EPC1: variants seen among roughly 807,000 people sequenced by gnomAD.
EPC1 encodes enhancer of polycomb homolog 1.
In EPC1, 12 loss-of-function variants were observed where a neutral mutation model predicts 98.4. The ratio of observed to expected loss-of-function variants is 0.12; its 90% CI spans 0.08 to 0.20. EPC1 has a LOEUF of 0.20. Ranked by LOEUF, EPC1 falls within the 10% of genes least tolerant of loss-of-function variation. The probability of loss-of-function intolerance (pLI) is 1.00; values close to 1 mark genes in which losing one functional copy is unlikely to be tolerated. For missense variants in EPC1, 729 were observed against 990.5 expected (o/e 0.74, Z 3.54); for synonymous variants, 357 against 363.9 (o/e 0.98, Z 0.21).
chr10:32,320,594 T>G (rs1425662344), intron 1 of EPC1, among the ~76,000 whole-genome samples: 1 of 152,208 alleles, frequency 6.6e-6, no homozygotes, highest in Non-Finnish European at 1.5e-5. Context: ...AATTAGTCAT[T>G]TGACCTTTTT....
chr10:32,314,261 T>C (rs568519623), intron 1 of EPC1, among the ~76,000 whole-genome samples: 2 of 152,310 alleles, frequency 1.3e-5, no homozygotes, highest in South Asian at 4.1e-4. Flanking sequence ...TAATTATAGA[T>C]AAGTTTTCTA....
chr10:32,323,974 C>T (rs1416430615), intron 1 of EPC1, among the ~76,000 whole-genome samples: 1 of 152,044 alleles, frequency 6.6e-6, no homozygotes, highest in African/African-American at 2.4e-5. Flanking sequence ...CTCGCTCTGT[C>T]GCCCAGGCTG....
intron 2 of EPC1, among the ~76,000 whole-genome samples, chr10:32,295,118 T>C (rs1344903037): frequency 7.2e-5 from 11 of 152,158 alleles, no homozygotes; most frequent in Admixed American, 3.9e-4. Flanking sequence ...AATCTGCTTG[T>C]TAAGCATGCC....
chr10:32,326,651 G>C (rs1467947985), intron 1 of EPC1, among the ~76,000 whole-genome samples: 1 of 152,096 alleles, frequency 6.6e-6, no homozygotes, highest in East Asian at 1.9e-4. Context: ...AGGCTAGAAG[G>C]ATGGCAATCC....
upstream of EPC1, among the ~76,000 whole-genome samples, chr10:32,349,347 A>ATTTCTT (rs1839042807): frequency 6.6e-6 from 1 of 152,216 alleles, no homozygotes. Context: ...AGTACAAAAA[A>ATTTCTT]ATTTCTTATT....
At chr10:32,298,814 A>G (rs1247676029) in intron 2 of EPC1, among the ~76,000 whole-genome samples, 3 of 152,216 alleles carry the variant, frequency 2.0e-5, no homozygotes, top group Non-Finnish European at 4.4e-5. Context: ...AGAAAGCAGT[A>G]CCAGCAGAAT....
intron 1 of EPC1, among the ~76,000 whole-genome samples, chr10:32,344,324 ATTCTT>A (rs1838600585): frequency 6.6e-6 from 1 of 152,142 alleles, no homozygotes; most frequent in South Asian, 2.1e-4. Flanking sequence ...TTCAGTGTCT[ATTCTT>A]GAGGTCTATG....
Position 32,284,893 on chromosome 10 carries a change from T to G in EPC1, c.1549A>C (p.Ile517Leu), listed in dbSNP as rs1564524222. The change falls in exon 10 of 14, where the codon ATA (isoleucine) becomes CTA (leucine). Residue 517 changes from isoleucine to leucine, a missense_variant. By Grantham distance (5) the Ile-to-Leu change is conservative (BLOSUM62 2). Around this residue, in one of 6 missense-constraint regions of EPC1, gnomAD observed 390 missense variants for 438.6 expected, o/e 0.89. Coordinates refer to ENST00000319778, the MANE Select transcript of EPC1 (RefSeq NM_001272004.3). ...CTACATGATTTGATATTGACTAGTATCTGACTGAGGTCTTTAGAGAAAGAT... is the reference window on the plus strand; with the variant it reads ...CTACATGATTTGATATTGACTAGTAGCTGACTGAGGTCTTTAGAGAAAGAT... ...DKSFSKDLSQ[I>L]LVNIKSCRWR... The G allele has an allele frequency of 6.2e-7, 1 of 1,614,212 alleles. No homozygotes were observed. Among genetic ancestry groups the G allele is most frequent in the East Asian group, 2.2e-5 (1 of 44,884 alleles).
intron 1 of EPC1, among the ~76,000 whole-genome samples, chr10:32,327,908 C>T (rs1037424245): frequency 8.5e-5 from 13 of 152,190 alleles, no homozygotes; most frequent in Non-Finnish European, 1.9e-4. Flanking sequence ...TATGTATGAT[C>T]ACTACGTGCC....
At chr10:32,335,473 G>A (rs1837899297) in intron 1 of EPC1, among the ~76,000 whole-genome samples, 2 of 79,154 alleles carry the variant, frequency 2.5e-5, no homozygotes, top group East Asian at 6.3e-4. Context: ...ACTCCCCATC[G>A]CCCTTTCAAG....
chr10:32,309,630 C>A (rs1434839584), intron 1 of EPC1, among the ~76,000 whole-genome samples: 4 of 142,474 alleles, frequency 2.8e-5, no homozygotes, highest in African/African-American at 5.2e-5. Context: ...CCAAGGCAGG[C>A]GGATCACTTG....
At chr10:32,312,224 TTTTC>T (rs1202252136) in intron 1 of EPC1, among the ~76,000 whole-genome samples, 15 of 152,164 alleles carry the variant, frequency 9.9e-5, no homozygotes, top group Non-Finnish European at 1.6e-4. Flanking sequence ...GATCTGTCCT[TTTTC>T]TACGAGCAAT....
chr10:32,375,724 A>G (rs1220811317), intron 1 of EPC1, among the ~76,000 whole-genome samples: 1 of 152,048 alleles, frequency 6.6e-6, no homozygotes. Context: ...ACTTGCTATT[A>G]TCTGATAAAA....
At chr10:32,369,561 C>T (rs111786201) in intron 1 of EPC1, among the ~76,000 whole-genome samples, 4,126 of 152,126 alleles carry the variant, frequency 0.027, 178 homozygotes, top group African/African-American at 0.093. Context: ...AGACAACACC[C>T]CAAATTGTTT....
intron 13 of EPC1, chr10:32,269,376 C>A: frequency 2.7e-6 from 1 of 377,150 alleles, no homozygotes; most frequent in East Asian, 5.4e-5. Context: ...AGTACTCAAG[C>A]AACCTAGATG....
intron 5 of EPC1, chr10:32,292,258 A>G (rs1168273282): frequency 3.1e-5 from 8 of 258,284 alleles, no homozygotes; most frequent in Non-Finnish European, 5.0e-5. Context: ...GGACCAAAAA[A>G]GACCACTTTG....
At chr10:32,299,106 C>T (rs568111763) in intron 2 of EPC1, among the ~76,000 whole-genome samples, 1 of 152,306 alleles carries the variant, frequency 6.6e-6, no homozygotes, top group South Asian at 2.1e-4. Context: ...CTTGTGTGCA[C>T]TTTCATTATG....
chr10:32,314,221 A>C (rs1836421373), intron 1 of EPC1, among the ~76,000 whole-genome samples: 1 of 152,232 alleles, frequency 6.6e-6, no homozygotes, highest in African/African-American at 2.4e-5. Flanking sequence ...ATAATTAAGC[A>C]AATAGCTTAA....
At position 32,288,812 on chromosome 10, in the gene EPC1, G is replaced by A. The variant is rs150262383; in HGVS notation, c.976-1538C>T. Among the ~76,000 whole-genome samples the A allele has an allele frequency of 4.3e-3, 653 of 151,732 alleles. 2 individuals carry two copies. Among genetic ancestry groups the A allele is most frequent in the East Asian group, 0.014 (73 of 5,162 alleles). Reference sequence around the variant, plus strand: ...TTAAAATAGTTAAGAGTGGGAGGTCGGGTGGGGTGGCTCATGCCTGTAATC... The same window carrying A: ...TTAAAATAGTTAAGAGTGGGAGGTCAGGTGGGGTGGCTCATGCCTGTAATC... On this transcript the variant is annotated intron_variant, in intron 6 of 13. Transcript: ENST00000319778.
Sources: gnomAD v4.1 joint callset for allele counts (sites outside exome capture counted in the v4.1 genomes callset) on GRCh38, gnomAD v4.1.1 for gene constraint, gnomAD v4.1.1 regional missense constraint, MANE v1.5 for transcripts, NCBI Gene and HGNC (gene_info 2026-07-23, HGNC 2026-07-21) for gene names.